The following CCDC185 variants were observed in gnomAD, a reference collection of about 807,000 sequenced individuals.
CCDC185 encodes the protein coiled-coil domain containing 185.
For synonymous variants in CCDC185, 381 were observed against 348.1 expected, an observed-to-expected ratio of 1.09 and a Z score of -1.05; for missense variants, 982 against 825.3, an observed-to-expected ratio of 1.19 and a Z score of -2.33.
rs1235442980 is a variant in CCDC185 at position 223,393,469 on chromosome 1, G to C, written c.-7G>C. 17 of 1,461,212 alleles carry C rather than the reference G, an allele frequency of 1.2e-5. No homozygotes were observed. The highest frequency in any genetic ancestry group is 1.4e-5 in the Non-Finnish European group (16 of 1,107,364). The allele number at this position is 1,461,212 out of a possible 1,614,324, so 90.5% of individuals were successfully genotyped here. On this transcript the variant is annotated 5_prime_UTR_variant, in exon 1 of 1. Coordinates refer to ENST00000366875, the MANE Select transcript of CCDC185 (RefSeq NM_152610.3). This position sits in a 1 kb window ranked among gnomAD's most constrained non-coding sequence, Gnocchi z 4.8. ...TGGGCAGACGCTGCGCGTGCCCAGA[G>C]GGAGGGATGGCAGGCTTCAGCCACT...
chr1:223,395,439 T>C lies in CCDC185; in HGVS notation c.*92T>C. On this transcript the variant is annotated 3_prime_UTR_variant, in exon 1 of 1. Transcript: ENST00000366875. ...ATCTGATTATAATTGAACATTGATTTTAAAAAAGCATGTAAAATAGCTGCA... is the reference window on the plus strand; with the variant it reads ...ATCTGATTATAATTGAACATTGATTCTAAAAAAGCATGTAAAATAGCTGCA... The C allele has an allele frequency of 7.8e-7, 1 of 1,277,994 alleles. No individual in the cohort carries two copies. The highest frequency in any genetic ancestry group is 1.0e-6 in the Non-Finnish European group (1 of 980,336). 79.2% of individuals were successfully genotyped at this position (1,277,994 alleles called of 1,614,324 possible).
At position 223,393,812 on chromosome 1, in the gene CCDC185, A is replaced by G; in HGVS notation, c.337A>G (p.Thr113Ala). 6.3e-7 allele frequency: 1 copy of G among 1,587,720 alleles called. No individual in the cohort carries two copies. The highest frequency in any genetic ancestry group is 8.6e-7 in the Non-Finnish European group (1 of 1,168,222). The change falls in exon 1 of 1, where the codon ACA becomes GCA. Residue 113 changes from threonine to alanine, a missense_variant. Physicochemically the swap from Thr to Ala is moderately conservative, Grantham distance 58. Coordinates refer to ENST00000366875, the MANE Select transcript of CCDC185 (RefSeq NM_152610.3). This position sits in a 1 kb window ranked among gnomAD's most constrained non-coding sequence, Gnocchi z 4.8. Reference sequence around the variant, plus strand: ...GCGCCTGGAAGATGCCTGGGGAGAGACAGGAACCAAGCCCCGCCCGGCTTG... The same window carrying G: ...GCGCCTGGAAGATGCCTGGGGAGAGGCAGGAACCAAGCCCCGCCCGGCTTG... ...SRRLEDAWGE[T>A]GTKPRPAWQP...
rs1669606766 is a variant in CCDC185, at chr1:223,393,847, G to A, written c.372G>A (p.Gln124=). Residue 124 remains glutamine (Q), a synonymous_variant, in exon 1 of 1, where the codon CAG becomes CAA. Transcript: ENST00000366875. This position sits in a 1 kb window ranked among gnomAD's most constrained non-coding sequence, Gnocchi z 4.8. ...AGCCCCGCCCGGCTTGGCAGCCGCA[G>A]ACCCAGCTGCCACCCCAGCGGCCGC... The part of the protein sequence containing the change: ...GTKPRPAWQP[Q]TQLPPQRPQP... 1 of 1,601,852 alleles carries A rather than the reference G, an allele frequency of 6.2e-7. No homozygotes were observed. Among genetic ancestry groups the A allele is most frequent in the Middle Eastern group, 1.8e-4 (1 of 5,708 alleles).
rs761680017 is a variant in CCDC185, at chr1:223,393,561, A to G, written c.86A>G (p.Gln29Arg). The G allele has an allele frequency of 1.9e-6, 3 of 1,552,644 alleles. No homozygotes were observed. The highest frequency in any genetic ancestry group is 2.8e-5 in the African/African-American group (2 of 71,452). ...PRPGGERESTQRLGGQRSGAD... is the reference protein window; with the variant it reads ...PRPGGERESTRRLGGQRSGAD... ...CCCGGCGGAGAACGAGAGTCCACGC[A>G]GCGGCTGGGCGGGCAGAGGTCCGGA... Residue 29 changes from glutamine to arginine, a missense_variant, in exon 1 of 1, where the codon CAG (glutamine) becomes CGG (arginine). By Grantham distance (43) the Gln-to-Arg change is conservative. Coordinates refer to ENST00000366875, the MANE Select transcript of CCDC185 (RefSeq NM_152610.3). This position sits in a 1 kb window ranked among gnomAD's most constrained non-coding sequence, Gnocchi z 4.8.
Position 223,393,729 on chromosome 1 carries a change from T to A in CCDC185, c.254T>A (p.Leu85Gln), listed in dbSNP as rs1265633558. ...CSDSLRGSRS[L>Q]SDVARRPLER... ...GATTCACTGCGGGGCAGCCGAAGCC[T>A]GAGCGATGTGGCCCGCAGGCCCCTG... The change falls in exon 1 of 1, where the codon CTG (leucine) becomes CAG (glutamine). Residue 85 changes from leucine to glutamine, a missense_variant. Physicochemically the swap from Leu to Gln is moderately radical, Grantham distance 113 (BLOSUM62 -2). Transcript: ENST00000366875. This position sits in a 1 kb window ranked among gnomAD's most constrained non-coding sequence, Gnocchi z 4.8. 1 of 1,568,194 alleles carries A rather than the reference T, an allele frequency of 6.4e-7. No homozygotes were observed. The highest frequency in any genetic ancestry group is 8.6e-7 in the Non-Finnish European group (1 of 1,159,796).
chr1:223,393,909 C>T lies in CCDC185; in HGVS notation c.434C>T (p.Ser145Leu). ...CATTACCCTCTGGCCCAGGGAGACT[C>T]GCCCCCGCCTTGCCCCGGAGGAGCT... is the stretch of plus-strand genomic sequence containing the variant. ...CPHYPLAQGD[S>L]PPPCPGGAGT... The change falls in exon 1 of 1, where the codon TCG becomes TTG. Residue 145 changes from serine (S) to leucine (L), a missense_variant. Coordinates refer to ENST00000366875, the MANE Select transcript of CCDC185 (RefSeq NM_152610.3). The surrounding 1 kb of genome is among the most constrained non-coding windows in gnomAD (Gnocchi z 4.8). 6.2e-7 allele frequency: 1 copy of T among 1,611,812 alleles called. No individual in the cohort carries two copies. The highest frequency in any genetic ancestry group is 8.5e-7 in the Non-Finnish European group (1 of 1,179,354).
rs1248346470 is a variant in CCDC185, at chr1:223,394,958, T to G, written c.1483T>G (p.Ser495Ala). ...GCAGGCCAGGTGGCGCGCAGGGGAG[T>G]CAGAGGAACAGAGGAAGATGCGCAA... Reference protein sequence around the residue: ...LQQARWRAGESEEQRKMRKRI... With the variant: ...LQQARWRAGEAEEQRKMRKRI... Residue 495 changes from serine to alanine, a missense_variant, in exon 1 of 1, where the codon TCA becomes GCA. Transcript: ENST00000366875. 1 of 1,612,662 alleles carries G rather than the reference T, an allele frequency of 6.2e-7. No individual in the cohort carries two copies. Among genetic ancestry groups the G allele is most frequent in the East Asian group, 2.2e-5 (1 of 44,786 alleles).
Position 223,394,875 on chromosome 1 carries a change from G to A in CCDC185, c.1400G>A (p.Arg467Lys). 1 of 1,614,128 alleles carries A rather than the reference G, an allele frequency of 6.2e-7. No individual in the cohort carries two copies. Among genetic ancestry groups the A allele is most frequent in the Non-Finnish European group, 8.5e-7 (1 of 1,180,002 alleles). Residue 467 changes from arginine (R) to lysine (K), a missense_variant, in exon 1 of 1, where the codon AGG (arginine) becomes AAG (lysine). Arg to Lys is a conservative substitution (Grantham distance 26). Coordinates refer to ENST00000366875, the MANE Select transcript of CCDC185 (RefSeq NM_152610.3). ...TCCCAGGAGATACACCAGGGCCTGA[G>A]GAAGGAGCGGCAACGCGAGCTGAGG... ...QRSQEIHQGL[R>K]KERQRELREK... is the part of the protein sequence containing the mutation.
At chr1:223,394,568 CG>C in the CCDC185 span, 9 of 1,605,986 alleles carry the variant, frequency 5.6e-6, no homozygotes, top group Non-Finnish European at 7.6e-6. Context: ...GGAGAAGGCG[CG>C]CGCCCAGGCA....
Position 223,393,512 on chromosome 1 carries a change from C to A in CCDC185, c.37C>A (p.Arg13=). The A allele has an allele frequency of 1.3e-6, 2 of 1,537,684 alleles. No individual in the cohort carries two copies. Among genetic ancestry groups the A allele is most frequent in the South Asian group, 1.2e-5 (1 of 81,190 alleles). ...GFSHFSQPPY[R]DLWEPPRPGG... The stretch of plus-strand genomic sequence containing the variant: ...CAGCCACTTCTCCCAGCCGCCCTAC[C>A]GGGATCTCTGGGAACCCCCGCGGCC... Residue 13 remains arginine (R), a synonymous_variant, in exon 1 of 1, where the codon CGG becomes AGG. Coordinates refer to ENST00000366875, the MANE Select transcript of CCDC185 (RefSeq NM_152610.3). The surrounding 1 kb of genome is among the most constrained non-coding windows in gnomAD (Gnocchi z 4.8).
Position 223,393,581 on chromosome 1 carries a change from T to C in CCDC185, c.106T>C (p.Ser36Pro). The C allele has an allele frequency of 1.3e-6, 2 of 1,534,612 alleles. No individual in the cohort carries two copies. The highest frequency in any genetic ancestry group is 2.5e-5 in the South Asian group (2 of 80,102). ...CACGCAGCGGCTGGGCGGGCAGAGGTCCGGAGCCGACTCCACCGCGTGCTC... is the reference window on the plus strand; with the variant it reads ...CACGCAGCGGCTGGGCGGGCAGAGGCCCGGAGCCGACTCCACCGCGTGCTC... ...ESTQRLGGQR[S>P]GADSTACSRA... is the part of the protein sequence containing the mutation. Residue 36 changes from serine (S) to proline (P), a missense_variant, in exon 1 of 1, where the codon TCC (serine) becomes CCC (proline). Ser to Pro is a moderately conservative substitution (Grantham distance 74, BLOSUM62 -1). Transcript: ENST00000366875. The surrounding 1 kb of genome is among the most constrained non-coding windows in gnomAD (Gnocchi z 4.8).
rs1189572801 is a variant in CCDC185, at chr1:223,393,601, G to C, written c.126G>C (p.Ala42=). The C allele has an allele frequency of 6.6e-7, 1 of 1,526,346 alleles. No homozygotes were observed. Among genetic ancestry groups the C allele is most frequent in the Non-Finnish European group, 8.8e-7 (1 of 1,140,188 alleles). 94.6% of individuals were successfully genotyped at this position (1,526,346 alleles called of 1,614,324 possible). A position where few individuals can be genotyped will look rare whatever the true frequency, so the allele number is the denominator to read the frequency against. Reference sequence around the variant, plus strand: ...AGAGGTCCGGAGCCGACTCCACCGCGTGCTCCCGGGCCGGGACTCCGGGTG... The same window carrying C: ...AGAGGTCCGGAGCCGACTCCACCGCCTGCTCCCGGGCCGGGACTCCGGGTG... ...GGQRSGADST[A]CSRAGTPGAE... Residue 42 remains alanine, a synonymous_variant, in exon 1 of 1, where the codon GCG becomes GCC. Transcript: ENST00000366875. The surrounding 1 kb of genome is among the most constrained non-coding windows in gnomAD (Gnocchi z 4.8).
chr1:223,395,255 A>G lies in CCDC185; in HGVS notation c.1780A>G (p.Arg594Gly). Residue 594 changes from arginine to glycine, a missense_variant, in exon 1 of 1, where the codon AGG (arginine) becomes GGG (glycine). Arg to Gly is a moderately radical substitution (Grantham distance 125). Transcript: ENST00000366875. ...QEFQKLPQAS[R>G]REERAPPNSS... The stretch of plus-strand genomic sequence containing the variant: ...GTTCCAGAAGCTCCCTCAGGCCTCC[A>G]GGAGAGAGGAGAGAGCGCCTCCCAA... 6.3e-7 allele frequency: 1 copy of G among 1,591,718 alleles called. No homozygotes were observed. The highest frequency in any genetic ancestry group is 2.2e-5 in the East Asian group (1 of 44,784).
chr1:223,394,060 G>A lies in CCDC185; in HGVS notation c.585G>A (p.Val195=). ...PSSVPSERSS[V]PSQKFKRHSA... ...CAGTTCCCTCGGAGCGGTCTTCTGT[G>A]CCCTCGCAAAAGTTCAAGAGGCACT... The change falls in exon 1 of 1, where the codon GTG becomes GTA. Residue 195 remains valine (V), a synonymous_variant. Coordinates refer to ENST00000366875, the MANE Select transcript of CCDC185 (RefSeq NM_152610.3). 3 of 1,614,128 alleles carry A rather than the reference G, an allele frequency of 1.9e-6. No homozygotes were observed. Among genetic ancestry groups the A allele is most frequent in the Non-Finnish European group, 2.5e-6 (3 of 1,180,036 alleles).
Position 223,394,177 on chromosome 1 carries a change from G to T in CCDC185, c.702G>T (p.Glu234Asp). 3.1e-6 allele frequency: 5 copies of T among 1,614,098 alleles called. No individual in the cohort carries two copies. Among genetic ancestry groups the T allele is most frequent in the Non-Finnish European group, 4.2e-6 (5 of 1,180,052 alleles). ...RDSQPLASSK[E>D]MRSPHTQVLK... ...CCCAGCCCTTGGCCTCCAGCAAAGA[G>T]ATGCGGAGCCCGCACACCCAGGTCC... Residue 234 changes from glutamate (E) to aspartate (D), a missense_variant, in exon 1 of 1, where the codon GAG becomes GAT. Coordinates refer to ENST00000366875, the MANE Select transcript of CCDC185 (RefSeq NM_152610.3).
rs1353285589 is a variant in CCDC185 at position 223,395,393 on chromosome 1, G to A, written c.*46G>A. 4 of 1,448,616 alleles carry A rather than the reference G, an allele frequency of 2.8e-6. No individual in the cohort carries two copies. Among genetic ancestry groups the A allele is most frequent in the African/African-American group, 2.8e-5 (2 of 70,210 alleles). The allele number at this position is 1,448,616 out of a possible 1,614,324, so 89.7% of individuals were successfully genotyped here. A position where few individuals can be genotyped will look rare whatever the true frequency, so the allele number is the denominator to read the frequency against. ...ACAGTGCGCAGCCAGAAGGAGATGT[G>A]GCAATGTGATTCCTTTTGTAATCTG... On this transcript the variant is annotated 3_prime_UTR_variant, in exon 1 of 1. Transcript: ENST00000366875.
chr1:223,395,331 A>G lies in CCDC185; in HGVS notation c.1856A>G (p.Gln619Arg). The change falls in exon 1 of 1, where the codon CAG (glutamine) becomes CGG (arginine). Residue 619 changes from glutamine to arginine, a missense_variant. By Grantham distance (43) the Gln-to-Arg change is conservative. Coordinates refer to ENST00000366875, the MANE Select transcript of CCDC185 (RefSeq NM_152610.3). The part of the protein sequence containing the change: ...VLEAQLRACQ[Q>R]NRGY ...GAGGCCCAGCTCCGTGCCTGTCAGC[A>G]GAACAGGGGTTACTGAGAACCAAGG... 6.6e-7 allele frequency: 1 copy of G among 1,517,206 alleles called. No individual in the cohort carries two copies. Among genetic ancestry groups the G allele is most frequent in the African/African-American group, 1.4e-5 (1 of 71,786 alleles). The allele number at this position is 1,517,206 out of a possible 1,614,324, so 94.0% of individuals were successfully genotyped here.
chr1:223,394,617 A>G lies in CCDC185; in HGVS notation c.1142A>G (p.Glu381Gly). 1 of 1,612,976 alleles carries G rather than the reference A, an allele frequency of 6.2e-7. No homozygotes were observed. The highest frequency in any genetic ancestry group is 8.5e-7 in the Non-Finnish European group (1 of 1,179,774). Residue 381 changes from glutamate (E) to glycine (G), a missense_variant, in exon 1 of 1, where the codon GAG becomes GGG. By Grantham distance (98) the Glu-to-Gly change is moderately conservative. Transcript: ENST00000366875. Reference protein sequence around the residue: ...RKQCQVRRLREQEKMLRNLRE... With the variant: ...RKQCQVRRLRGQEKMLRNLRE... Reference sequence around the variant, plus strand: ...CAGTGCCAGGTGCGGCGCCTGCGGGAGCAGGAGAAGATGCTACGGAACCTC... The same window carrying G: ...CAGTGCCAGGTGCGGCGCCTGCGGGGGCAGGAGAAGATGCTACGGAACCTC...
In CCDC185 at chr1:223,394,721, CAGA is replaced by C. The variant is rs768775902; in HGVS notation, c.1252_1254del (p.Lys418del). ...GAGGCACCTACATGCCGTGGAGGGC[CAGA>C]AGAAGGTCCAGGACACCAACCTGAG... On this transcript the variant is annotated inframe_deletion, in exon 1 of 1. Coordinates refer to ENST00000366875, the MANE Select transcript of CCDC185 (RefSeq NM_152610.3). 1 of 1,611,358 alleles carries C rather than the reference CAGA, an allele frequency of 6.2e-7. No homozygotes were observed. The highest frequency in any genetic ancestry group is 1.7e-5 in the Admixed American group (1 of 59,760).
Sources: gnomAD v4.1 joint callset for allele counts on GRCh38, gnomAD v4.1.1 for gene constraint, Gnocchi (gnomAD v3.1) non-coding constraint, MANE v1.5 for transcripts, NCBI Gene and HGNC (gene_info 2026-07-23, HGNC 2026-07-21) for gene names.